The following BPIFB1 variants were observed in gnomAD, a reference collection of about 807,000 sequenced individuals.
BPIFB1 encodes BPI fold-containing family B member 1.
A neutral mutation model predicts 55.1 loss-of-function variants in BPIFB1; 34 were observed. The observed-to-expected ratio is 0.62, with a 90% CI of 0.47 to 0.82. The LOEUF is 0.82. Among genes scored for constraint, BPIFB1 ranks in the 40% least tolerant of loss-of-function variants. The pLI, the probability that BPIFB1 is intolerant of heterozygous loss-of-function variation, is 0.00. For missense variants in BPIFB1, 532 were observed against 593.1 expected (o/e 0.90, Z 1.07); for synonymous variants, 236 against 245.3 (o/e 0.96, Z 0.35).
At chr20:33,289,854 A>G in intron 3 of BPIFB1, 31 bp from the exon 4 acceptor site, 1 of 1,582,112 alleles carries the variant, frequency 6.3e-7, no homozygotes, top group Non-Finnish European at 8.7e-7. Context: ...AGCCGGAGGC[A>G]TGATTCTGAT....
chr20:33,309,688 C>G lies in BPIFB1; in HGVS notation c.1396-20C>G, dbSNP rs1981166631. 1 of 1,613,344 alleles carries G rather than the reference C, an allele frequency of 6.2e-7. No homozygotes were observed. The highest frequency in any genetic ancestry group is 8.5e-7 in the Non-Finnish European group (1 of 1,179,260). ...AAGGTTAAAGAAACCTGTTTTCTGA[C>G]TTTTCCCCTCCAATTCCAGGATGCC... On this transcript the variant is annotated intron_variant, in intron 15 of 15. Coordinates refer to ENST00000253354, the MANE Select transcript of BPIFB1 (RefSeq NM_033197.3). The surrounding 1 kb of genome is among the most constrained non-coding windows in gnomAD (Gnocchi z 4.4).
At chr20:33,293,796 G>A (rs1980547372) in intron 6 of BPIFB1, among the ~76,000 whole-genome samples, 1 of 152,170 alleles carries the variant, frequency 6.6e-6, no homozygotes, top group Non-Finnish European at 1.5e-5. Flanking sequence ...AGTCACAGTT[G>A]TGCCACTGCA....
intron 6 of BPIFB1, among the ~76,000 whole-genome samples, chr20:33,294,863 G>T (rs1980584685): frequency 6.6e-6 from 1 of 152,112 alleles, no homozygotes; most frequent in Non-Finnish European, 1.5e-5. Context: ...ATTTTATTTG[G>T]CATGAAGGGA....
chr20:33,297,145 T>C (rs1366599696), intron 6 of BPIFB1, among the ~76,000 whole-genome samples: 1 of 152,194 alleles, frequency 6.6e-6, no homozygotes, highest in Non-Finnish European at 1.5e-5. Context: ...GGTCTCAAAC[T>C]CCTGGCCTCA....
intron 6 of BPIFB1, among the ~76,000 whole-genome samples, 156 bp from the exon 7 acceptor site, chr20:33,297,369 C>G (rs1319328632): frequency 6.6e-6 from 1 of 152,230 alleles, no homozygotes; most frequent in African/African-American, 2.4e-5. Context: ...AGGCTGGGTT[C>G]AACACACGAA....
At chr20:33,299,055 G>T in intron 7 of BPIFB1, 1 of 405,964 alleles carries the variant, frequency 2.5e-6, no homozygotes, top group Non-Finnish European at 5.1e-6. Context: ...TCGTCTCTAT[G>T]TCCTTCCGAT....
In BPIFB1 at chr20:33,302,412, G is replaced by A. The variant is rs766175228; in HGVS notation, c.981G>A (p.Lys327=). The change falls in exon 10 of 16, where the codon AAG becomes AAA. Residue 327 remains lysine (K), a splice_region_variant and synonymous_variant. Transcript: ENST00000253354. ...LKSSIGLINE[K]AADKLGSTQI... ...CAAGCATCGGGCTGATCAATGAAAA[G>A]GTTGGTCTGTTTGCCATCTGCAGCT... The A allele has an allele frequency of 1.2e-6, 2 of 1,613,910 alleles. No individual in the cohort carries two copies. The highest frequency in any genetic ancestry group is 1.7e-6 in the Non-Finnish European group (2 of 1,179,982).
intron 15 of BPIFB1, chr20:33,307,250 A>C (rs1981062276): frequency 2.2e-6 from 1 of 453,922 alleles, no homozygotes; most frequent in Non-Finnish European, 4.0e-6. Flanking sequence ...AATTCACTAA[A>C]TATTTTTCGA....
At chr20:33,305,044 G>A (rs969563088) in intron 13 of BPIFB1, among the ~76,000 whole-genome samples, 153 bp downstream of exon 13, 5 of 152,116 alleles carry the variant, frequency 3.3e-5, no homozygotes, top group African/African-American at 1.2e-4. Context: ...AACTTCCCTC[G>A]AGTGTTTACA....
chr20:33,300,067 T>G, intron 8 of BPIFB1, 83 bp downstream of exon 8: 1 of 1,227,716 alleles, frequency 8.1e-7, no homozygotes, highest in South Asian at 1.2e-5. Flanking sequence ...CATGGGCCTG[T>G]GTTAGGAGAG....
intron 13 of BPIFB1, among the ~76,000 whole-genome samples, chr20:33,305,389 C>T (rs1980990561): frequency 7.2e-6 from 1 of 138,766 alleles, no homozygotes; most frequent in African/African-American, 2.7e-5. Context: ...GTGATCTTGG[C>T]TCACTGCAAC....
intron 7 of BPIFB1, chr20:33,298,793 TC>T: frequency 1.0e-5 from 1 of 95,410 alleles, no homozygotes; most frequent in Non-Finnish European, 2.1e-5. Flanking sequence ...TTTCCTTTTT[TC>T]TTTTTTTTTT....
chr20:33,305,482 T>A (rs1181654168), intron 13 of BPIFB1, among the ~76,000 whole-genome samples: 1 of 151,948 alleles, frequency 6.6e-6, no homozygotes, highest in Admixed American at 6.6e-5. Flanking sequence ...CACGCCCGGC[T>A]AATTTTTTGT....
intron 6 of BPIFB1, among the ~76,000 whole-genome samples, chr20:33,296,671 C>T (rs897639494): frequency 2.6e-5 from 4 of 152,186 alleles, no homozygotes; most frequent in African/African-American, 9.7e-5. Flanking sequence ...GTTGTGACAA[C>T]TAAAAATGTC....
Position 33,301,216 on chromosome 20 carries a change from C to T in BPIFB1, c.748-17C>T, listed in dbSNP as rs1322269564. The T allele has an allele frequency of 3.7e-6, 6 of 1,610,448 alleles. No homozygotes were observed. The highest frequency in any genetic ancestry group is 5.1e-6 in the Non-Finnish European group (6 of 1,176,986). On this transcript the variant is annotated splice_polypyrimidine_tract_variant and intron_variant, in intron 8 of 15. Transcript: ENST00000253354. ...AGAGTTAAAATTCTTAGCTGACTCCCTGCTCTGTCTCCTCAGGCCAAGTTG... is the reference window on the plus strand; with the variant it reads ...AGAGTTAAAATTCTTAGCTGACTCCTTGCTCTGTCTCCTCAGGCCAAGTTG...
intron 13 of BPIFB1, 57 bp downstream of exon 13, chr20:33,304,948 C>T (rs2146535793): frequency 1.3e-6 from 2 of 1,577,256 alleles, no homozygotes; most frequent in Middle Eastern, 1.7e-4. Flanking sequence ...ATGGTCCACT[C>T]TCAAAACAGA....
At chr20:33,297,385 C>A in intron 6 of BPIFB1, 140 bp from the exon 7 acceptor site, 1 of 857,086 alleles carries the variant, frequency 1.2e-6, no homozygotes, top group Non-Finnish European at 1.9e-6. Flanking sequence ...ACGAATGAAT[C>A]CTCAACCCAT....
Position 33,301,293 on chromosome 20 carries a change from C to A in BPIFB1, c.808C>A (p.Leu270Met). 1 of 1,614,212 alleles carries A rather than the reference C, an allele frequency of 6.2e-7. No individual in the cohort carries two copies. Among genetic ancestry groups the A allele is most frequent in the East Asian group, 2.2e-5 (1 of 44,890 alleles). ...GTGGTTCAATAACTCTGCAGCTTCC[C>A]TGACAATGCCCACCCTGGACAACAT... is the stretch of plus-strand genomic sequence containing the variant. ...TKWFNNSAASLTMPTLDNIPF... is the reference protein window; with the variant it reads ...TKWFNNSAASMTMPTLDNIPF... The change falls in exon 9 of 16, where the codon CTG (leucine) becomes ATG (methionine). Residue 270 changes from leucine to methionine, a missense_variant. Leu to Met is a conservative substitution (Grantham distance 15). Transcript: ENST00000253354.
rs551400282 is a variant in BPIFB1 at position 33,288,827 on chromosome 20, G to A, written c.202G>A (p.Gly68Arg). The A allele has an allele frequency of 3.5e-5, 56 of 1,613,978 alleles. No individual in the cohort carries two copies. The highest frequency in any genetic ancestry group is 1.7e-4 in the Middle Eastern group (1 of 6,060). Residue 68 changes from glycine to arginine, a missense_variant, in exon 3 of 16, where the codon GGA (glycine) becomes AGA (arginine). Physicochemically the swap from Gly to Arg is moderately radical, Grantham distance 125. Transcript: ENST00000253354. The part of the protein sequence containing the change: ...LLSAMREKPA[G>R]GIPVLGSLVN... ...CAGTGCCATGCGGGAAAAGCCAGCCGGAGGCATCCCTGTGCTGGGCAGCCT... is the reference window on the plus strand; with the variant it reads ...CAGTGCCATGCGGGAAAAGCCAGCCAGAGGCATCCCTGTGCTGGGCAGCCT...
Sources: gnomAD v4.1 joint callset for allele counts (sites outside exome capture counted in the v4.1 genomes callset) on GRCh38, gnomAD v4.1.1 for gene constraint, Gnocchi (gnomAD v3.1) non-coding constraint, MANE v1.5 for transcripts, NCBI Gene and HGNC (gene_info 2026-07-23, HGNC 2026-07-21) for gene names.